Variants in DCLK1 observed in about 807,000 individuals in gnomAD.
DCLK1 encodes the protein serine/threonine-protein kinase DCLK1.
Under a neutral mutation model 86.2 loss-of-function variants are expected in DCLK1, and 16 were observed. The ratio of observed to expected loss-of-function variants is 0.19; its 90% CI spans 0.13 to 0.28. The LOEUF is 0.28. Among genes scored for constraint, DCLK1 ranks in the 10% least tolerant of loss-of-function variants. The pLI is 1.00. For synonymous variants in DCLK1, 369 were observed against 370.5 expected, an observed-to-expected ratio of 1.00 and a Z score of 0.05; for missense variants, 590 against 940.2, an observed-to-expected ratio of 0.63 and a Z score of 4.87.
At chr13:35,941,105 A>ATG (rs2153131730) in intron 4 of DCLK1, among the ~76,000 whole-genome samples, 1 of 152,312 alleles carries the variant, frequency 6.6e-6, no homozygotes, top group East Asian at 1.9e-4. Flanking sequence ...TAGAGCCTGG[A>ATG]TGAGACTGTG....
At chr13:35,956,303 A>G (rs367738893) in intron 3 of DCLK1, among the ~76,000 whole-genome samples, 21 of 152,292 alleles carry the variant, frequency 1.4e-4, no homozygotes, top group African/African-American at 4.8e-4. Flanking sequence ...ATTTTCAGGG[A>G]TAGGAAAAGA....
chr13:35,839,526 G>A (rs911882804), intron 6 of DCLK1, among the ~76,000 whole-genome samples: 1 of 152,070 alleles, frequency 6.6e-6, no homozygotes, highest in East Asian at 1.9e-4. Context: ...TCGGCAAATG[G>A]CCCTCAAATG....
chr13:35,782,972 G>A (rs1341695112), intron 16 of DCLK1, among the ~76,000 whole-genome samples: 1 of 152,274 alleles, frequency 6.6e-6, no homozygotes, highest in African/African-American at 2.4e-5. Context: ...ATGAATGTGT[G>A]TGACTGTGTT....
At chr13:36,021,274 G>A (rs372752794) in intron 3 of DCLK1, among the ~76,000 whole-genome samples, 7 of 150,298 alleles carry the variant, frequency 4.7e-5, no homozygotes, top group East Asian at 2.0e-4. Context: ...ACAATAAGAG[G>A]TTTAAAATTA....
chr13:35,974,404 C>T (rs1218089442), intron 3 of DCLK1, among the ~76,000 whole-genome samples: 2 of 152,148 alleles, frequency 1.3e-5, no homozygotes, highest in Non-Finnish European at 2.9e-5. Context: ...GAGGGTGTCC[C>T]ACCTGCAAGC....
At chr13:35,871,469 G>A in intron 4 of DCLK1, 129 bp from the exon 5 acceptor site, 1 of 776,926 alleles carries the variant, frequency 1.3e-6, no homozygotes, top group Non-Finnish European at 2.2e-6. Flanking sequence ...CCACCAGCTG[G>A]GTTCTTGTCT....
chr13:35,829,337 A>G (rs1453094952), intron 8 of DCLK1, among the ~76,000 whole-genome samples: 1 of 152,216 alleles, frequency 6.6e-6, no homozygotes, highest in Middle Eastern at 3.2e-3. Context: ...GTAAACCACG[A>G]TTTCACAAGC....
At position 36,087,281 on chromosome 13, in the gene DCLK1, C is replaced by T. The variant is rs748126973; in HGVS notation, c.723+24588G>A. Among the ~76,000 whole-genome samples, 14 of 152,120 alleles carry T rather than the reference C, an allele frequency of 9.2e-5. 1 individual carries two copies. Among genetic ancestry groups the T allele is most frequent in the African/African-American group, 2.7e-4 (11 of 41,480 alleles). On this transcript the variant is annotated intron_variant, in intron 3 of 16. Transcript: ENST00000360631. ...TGAATGTCTTCTTTTGAGAAGTGCC[C>T]GGACAGCTGTTTAAACACTCTACAT...
At chr13:35,781,692 A>C (rs1016254651) in intron 16 of DCLK1, among the ~76,000 whole-genome samples, 1 of 152,178 alleles carries the variant, frequency 6.6e-6, no homozygotes, top group African/African-American at 2.4e-5. Flanking sequence ...TTCATTAATA[A>C]AAGAACATTA....
chr13:36,119,026 T>A (rs2138204948), intron 2 of DCLK1, among the ~76,000 whole-genome samples: 1 of 152,282 alleles, frequency 6.6e-6, no homozygotes, highest in African/African-American at 2.4e-5. Flanking sequence ...TACCTTTACA[T>A]GTGAATTTTG....
intron 3 of DCLK1, among the ~76,000 whole-genome samples, chr13:36,009,727 T>A (rs1424074590): frequency 9.2e-6 from 1 of 108,780 alleles, no homozygotes; most frequent in African/African-American, 3.7e-5. Flanking sequence ...TGGTTCCATA[T>A]GAACTTTAAA....
At chr13:35,880,984 G>A (rs926807917) in intron 4 of DCLK1, among the ~76,000 whole-genome samples, 1 of 152,124 alleles carries the variant, frequency 6.6e-6, no homozygotes, top group Non-Finnish European at 1.5e-5. Context: ...GAAATACAAT[G>A]CCCTCTTAGT....
intron 3 of DCLK1, among the ~76,000 whole-genome samples, chr13:35,986,112 A>G (rs1043120325): frequency 1.3e-5 from 2 of 151,652 alleles, no homozygotes; most frequent in East Asian, 3.9e-4. Flanking sequence ...GACCAGCCTG[A>G]CCAACATGGT....
intron 4 of DCLK1, among the ~76,000 whole-genome samples, chr13:35,921,524 T>G (rs1037755736): frequency 1.3e-5 from 2 of 152,184 alleles, no homozygotes; most frequent in Non-Finnish European, 2.9e-5. Context: ...CACAGCCCCT[T>G]GTATGTCCTT....
At chr13:35,925,363 A>G (rs1876054816) in intron 4 of DCLK1, among the ~76,000 whole-genome samples, 1 of 152,262 alleles carries the variant, frequency 6.6e-6, no homozygotes, top group South Asian at 2.1e-4. Flanking sequence ...CTGGCTACAA[A>G]CCAAACATGA....
At chr13:35,890,691 A>G (rs1318524731) in intron 4 of DCLK1, among the ~76,000 whole-genome samples, 1 of 152,168 alleles carries the variant, frequency 6.6e-6, no homozygotes, top group East Asian at 1.9e-4. Context: ...ACTTGGTATG[A>G]GACTGAGCTT....
chr13:36,085,345 T>A (rs146009015), intron 3 of DCLK1, among the ~76,000 whole-genome samples: 3 of 152,194 alleles, frequency 2.0e-5, no homozygotes, highest in African/African-American at 7.2e-5. Context: ...CAGTTTATTG[T>A]GTTTTTTTTC....
In DCLK1 at chr13:36,046,072, TA is replaced by T. The variant is rs550736426; in HGVS notation, c.723+65796del. On this transcript the variant is annotated intron_variant, in intron 3 of 16. Transcript: ENST00000360631. ...AATGATAAGATTCAGGAAGAATATC[TA>T]AAAAAAAAACCTAAATGTTATTTTG... Among the ~76,000 whole-genome samples the T allele has an allele frequency of 2.0e-3, 299 of 148,050 alleles. 2 individuals are homozygous for T. Among genetic ancestry groups the T allele is most frequent in the Non-Finnish European group, 2.0e-3 (132 of 66,590 alleles).
intron 4 of DCLK1, among the ~76,000 whole-genome samples, chr13:35,879,208 A>G (rs965624093): frequency 1.3e-5 from 2 of 152,344 alleles, no homozygotes; most frequent in East Asian, 3.9e-4. Context: ...CTAAGATTTT[A>G]AAAGTACCTT....
Sources: allele counts gnomAD v4.1 joint callset (sites outside exome capture counted in the v4.1 genomes callset), GRCh38; gene constraint gnomAD v4.1.1; transcripts MANE v1.5; gene names NCBI Gene and HGNC (gene_info 2026-07-23, HGNC 2026-07-21).